Variants in PABPC1 observed in about 807,000 individuals in gnomAD.
The protein encoded by PABPC1 is poly(A) binding protein cytoplasmic 1.
PABPC1 carries 4 observed loss-of-function variants against 74.0 expected under a neutral mutation model. The ratio of observed to expected loss-of-function variants is 0.05; its 90% CI spans 0.03 to 0.12. The LOEUF (loss-of-function observed/expected upper bound fraction) is 0.12, where lower values mean the gene tolerates loss of function less well. PABPC1 is among the 10% of genes least tolerant of loss of function. The probability of loss-of-function intolerance (pLI) is 1.00; values close to 1 mark genes in which losing one functional copy is unlikely to be tolerated. For synonymous variants in PABPC1, 227 were observed against 264.1 expected (o/e 0.86, Z 1.36); for missense variants, 271 against 821.1 (o/e 0.33, Z 8.19).
chr8:100,703,377 AC>A lies in PABPC1; in HGVS notation c.*2-19del, dbSNP rs1810295782. 1 of 139,366 alleles carries A rather than the reference AC, an allele frequency of 7.2e-6. No individual in the cohort carries two copies. The highest frequency in any genetic ancestry group is 1.6e-5 in the Non-Finnish European group (1 of 62,730). 8.6% of individuals were successfully genotyped at this position (139,366 alleles called of 1,614,324 possible). A position where few individuals can be genotyped will look rare whatever the true frequency, so the allele number is the denominator to read the frequency against. ...TGATCAATCTGTAAATGTTAAAAAA[AC>A]AAATTAAGACCAGGACTATCACTTG... is the stretch of plus-strand genomic sequence containing the variant. On this transcript the variant is annotated intron_variant, in intron 14 of 14. Transcript: ENST00000318607.
chr8:100,704,209 G>T (rs564562113), intron 14 of PABPC1, 88 bp downstream of exon 14: 58 of 970,182 alleles, frequency 6.0e-5, no homozygotes, highest in Admixed American at 4.1e-4. Context: ...ATGATCTTTT[G>T]CTATGTACAT....
intron 4 of PABPC1, among the ~76,000 whole-genome samples, chr8:100,714,169 AAT>A: frequency 6.6e-6 from 1 of 152,344 alleles, no homozygotes; most frequent in Admixed American, 6.5e-5. Context: ...AAGTCAAGAA[AAT>A]ATGACATATT....
chr8:100,715,799 CAAAA>C (rs201171556), intron 3 of PABPC1, among the ~76,000 whole-genome samples, 198 bp from the exon 4 acceptor site: 1 of 146,626 alleles, frequency 6.8e-6, no homozygotes, highest in Non-Finnish European at 1.5e-5. Context: ...ACTACAATCA[CAAAA>C]AAAAAACCAC....
intron 7 of PABPC1, among the ~76,000 whole-genome samples, chr8:100,712,121 T>A (rs1810542238): frequency 6.6e-6 from 1 of 152,224 alleles, no homozygotes; most frequent in South Asian, 2.1e-4. Flanking sequence ...GCAAAATGAC[T>A]AGTTGTTGGA....
At chr8:100,712,523 A>G in intron 6 of PABPC1, 66 bp from the exon 7 acceptor site, 1 of 1,459,858 alleles carries the variant, frequency 6.8e-7, no homozygotes, top group South Asian at 1.2e-5. Context: ...CATCGGGTCT[A>G]TTATTTTACC....
intron 4 of PABPC1, among the ~76,000 whole-genome samples, chr8:100,714,490 GGAGGCC>G (rs1554596310): frequency 6.6e-6 from 1 of 152,054 alleles, no homozygotes; most frequent in Non-Finnish European, 1.5e-5. Context: ...CAGCACTTTG[GGAGGCC>G]GAGGTGGCTG....
At chr8:100,709,420 C>T (rs770284856) in intron 8 of PABPC1, 39 bp downstream of exon 8, 35 of 1,609,190 alleles carry the variant, frequency 2.2e-5, no homozygotes, top group Middle Eastern at 3.3e-4. Flanking sequence ...TGACCAAATA[C>T]GAAAACCTTC....
chr8:100,713,926 A>G (rs1021823981), intron 4 of PABPC1, among the ~76,000 whole-genome samples: 11 of 30,026 alleles, frequency 3.7e-4, no homozygotes, highest in Non-Finnish European at 5.0e-4. Flanking sequence ...AAAGACAGGG[A>G]AAAAAAATTC....
rs546443239 is a variant in PABPC1 at position 100,708,378 on chromosome 8, C to G, written c.1336+755G>C. ...GGCTGAGGCAGGAGGATCACCTGAACCCGGGAGGTGAAAGCTGCAGTAAGC... is the reference window on the plus strand; with the variant it reads ...GGCTGAGGCAGGAGGATCACCTGAAGCCGGGAGGTGAAAGCTGCAGTAAGC... On this transcript the variant is annotated intron_variant, in intron 9 of 14. Coordinates refer to ENST00000318607, the MANE Select transcript of PABPC1 (RefSeq NM_002568.4). Among the ~76,000 whole-genome samples, 40 of 151,584 alleles carry G rather than the reference C, an allele frequency of 2.6e-4. 1 individual carries two copies. The highest frequency in any genetic ancestry group is 9.7e-4 in the African/African-American group (40 of 41,372).
At position 100,721,634 on chromosome 8, in the gene PABPC1, A is replaced by G; in HGVS notation, c.-51T>C. 1 of 1,045,086 alleles carries G rather than the reference A, an allele frequency of 9.6e-7. No individual in the cohort carries two copies. The highest frequency in any genetic ancestry group is 1.2e-6 in the Non-Finnish European group (1 of 807,604). The allele number at this position is 1,045,086 out of a possible 1,614,324, so 64.7% of individuals were successfully genotyped here. A position where few individuals can be genotyped will look rare whatever the true frequency, so the allele number is the denominator to read the frequency against. On this transcript the variant is annotated 5_prime_UTR_variant, in exon 1 of 15. Coordinates refer to ENST00000318607, the MANE Select transcript of PABPC1 (RefSeq NM_002568.4). This position sits in a 1 kb window ranked among gnomAD's most constrained non-coding sequence, Gnocchi z 7.4. ...CAGGCCGCGACCTTTCCGTGAGAGG[A>G]GGAGAGCGAGTGCCGGGGCTGGGGG...
intron 4 of PABPC1, among the ~76,000 whole-genome samples, chr8:100,713,993 G>A (rs1207291219): frequency 1.3e-5 from 2 of 152,202 alleles, no homozygotes; most frequent in Non-Finnish European, 1.5e-5. Context: ...CTGAAGACAT[G>A]TTTTCCCCTA....
chr8:100,709,278 C>T lies in PABPC1; in HGVS notation c.1246-55G>A, dbSNP rs1810467444. 3 of 1,523,076 alleles carry T rather than the reference C, an allele frequency of 2.0e-6. No individual in the cohort carries two copies. The South Asian group carries it at 3.4e-5, about 17-fold the overall frequency. 94.3% of individuals were successfully genotyped at this position (1,523,076 alleles called of 1,614,324 possible). A position where few individuals can be genotyped will look rare whatever the true frequency, so the allele number is the denominator to read the frequency against. ...CAGTTGAAGAAAAAAGCAAATAATG[C>T]AATAAATTATATGTACTTTTTCAAA... On this transcript the variant is annotated intron_variant, in intron 8 of 14. Transcript: ENST00000318607.
At chr8:100,715,347 A>G (rs1311014787) in intron 4 of PABPC1, 115 bp downstream of exon 4, 2 of 870,790 alleles carry the variant, frequency 2.3e-6, no homozygotes, top group Admixed American at 5.2e-5. Context: ...CAAATATTTT[A>G]AAGTACCATG....
intron 9 of PABPC1, among the ~76,000 whole-genome samples, chr8:100,708,813 G>C (rs1810450456): frequency 1.3e-5 from 2 of 152,022 alleles, no homozygotes; most frequent in Admixed American, 6.5e-5. Flanking sequence ...GGGAGGTGGA[G>C]GTTGCAGTGA....
intron 14 of PABPC1, chr8:100,704,063 A>AAAAC (rs1810317651): frequency 5.0e-6 from 2 of 397,396 alleles, no homozygotes; most frequent in African/African-American, 4.3e-5. Flanking sequence ...TCAAAAAAAA[A>AAAAC]AAAAAAAAAA....
intron 13 of PABPC1, 25 bp downstream of exon 13, chr8:100,704,901 A>C: frequency 3.1e-6 from 5 of 1,610,712 alleles, no homozygotes; most frequent in East Asian, 2.2e-5. Context: ...TGTAAGAGGC[A>C]ACTTGGTAAA....
Position 100,718,207 on chromosome 8 carries a change from A to G in PABPC1, c.267T>C (p.Arg89=), listed in dbSNP as rs1810722323. 2 of 1,614,248 alleles carry G rather than the reference A, an allele frequency of 1.2e-6. No homozygotes were observed. Among genetic ancestry groups the G allele is most frequent in the Non-Finnish European group, 1.7e-6 (2 of 1,180,036 alleles). The change falls in exon 2 of 15, where the codon CGT becomes CGC. Residue 89 remains arginine (R), a synonymous_variant. Transcript: ENST00000318607. ...GKPVRIMWSQ[R]DPSLRKSGVG... The stretch of plus-strand genomic sequence containing the variant: ...CTCCACTTTTGCGAAGTGATGGATC[A>G]CGCTGAGACCACATGATGCGTACTG...
intron 9 of PABPC1, 68 bp downstream of exon 9, chr8:100,709,065 G>C: frequency 8.7e-7 from 1 of 1,146,492 alleles, no homozygotes; most frequent in East Asian, 2.3e-5. Flanking sequence ...TGACATAGAA[G>C]AGCTGATTTA....
In PABPC1 at chr8:100,709,241, A is replaced by C. The variant is rs780390420; in HGVS notation, c.1246-18T>G. 29 of 1,598,376 alleles carry C rather than the reference A, an allele frequency of 1.8e-5. No individual in the cohort carries two copies. The highest frequency in any genetic ancestry group is 2.4e-5 in the Non-Finnish European group (28 of 1,168,994). ...TTCTGAGTCTGCAGGGAAAAAAAGC[A>C]CATGAGTTTATCAGTTGAAGAAAAA... On this transcript the variant is annotated intron_variant, in intron 8 of 14. Transcript: ENST00000318607.
Sources: allele counts gnomAD v4.1 joint callset (sites outside exome capture counted in the v4.1 genomes callset), GRCh38; gene constraint gnomAD v4.1.1; non-coding constraint Gnocchi (gnomAD v3.1); transcripts MANE v1.5; gene names NCBI Gene and HGNC (gene_info 2026-07-23, HGNC 2026-07-21).